The following PRTG variants were observed in gnomAD, a reference collection of about 807,000 sequenced individuals.
PRTG encodes immunoglobulin superfamily, DCC subclass, member 5.
In PRTG, 67 loss-of-function variants were observed where a neutral mutation model predicts 122.5. The ratio of observed to expected loss-of-function variants is 0.55; its 90% confidence interval spans 0.45 to 0.67. The LOEUF is 0.67. Ranked by LOEUF, PRTG falls within the 30% of genes least tolerant of loss-of-function variation. PRTG has a pLI of 0.00. For missense variants in PRTG, 1,435 were observed against 1,415.4 expected (o/e 1.01, Z -0.22); for synonymous variants, 554 against 501.1 (o/e 1.11, Z -1.41).
intron 2 of PRTG, among the ~76,000 whole-genome samples, chr15:55,691,936 C>T (rs2141829537): frequency 6.6e-6 from 1 of 152,036 alleles, no homozygotes; most frequent in East Asian, 1.9e-4. Flanking sequence ...ACTCAGGCAG[C>T]TGAGGTGGGA....
intron 2 of PRTG, among the ~76,000 whole-genome samples, chr15:55,725,511 C>T (rs1166202129): frequency 6.6e-6 from 1 of 151,806 alleles, no homozygotes. Context: ...GAGAGGATCA[C>T]CTGAGCCTGG....
intron 11 of PRTG, among the ~76,000 whole-genome samples, chr15:55,641,530 A>C (rs2059290283): frequency 2.0e-5 from 3 of 152,142 alleles, no homozygotes. Context: ...AAAAGCCTTC[A>C]GTTTGCTTGA....
At chr15:55,721,669 C>T (rs1487412314) in intron 2 of PRTG, among the ~76,000 whole-genome samples, 2 of 152,050 alleles carry the variant, frequency 1.3e-5, no homozygotes, top group Non-Finnish European at 2.9e-5. Context: ...AAGGACATAC[C>T]CAAGACTGGG....
chr15:55,639,236 A>G (rs1010679708), intron 13 of PRTG, among the ~76,000 whole-genome samples: 1 of 152,200 alleles, frequency 6.6e-6, no homozygotes, highest in African/African-American at 2.4e-5. Flanking sequence ...AGCCCCCCCA[A>G]AATCATTCTT....
intron 15 of PRTG, among the ~76,000 whole-genome samples, chr15:55,634,332 T>G (rs1595607309): frequency 2.0e-5 from 3 of 151,842 alleles, no homozygotes; most frequent in African/African-American, 7.3e-5. Context: ...GCCTCCAAAC[T>G]GCTGGGATTA....
chr15:55,709,842 C>T (rs2030309880), intron 2 of PRTG, among the ~76,000 whole-genome samples: 1 of 152,106 alleles, frequency 6.6e-6, no homozygotes, highest in African/African-American at 2.4e-5. Flanking sequence ...TCAGTGGTTG[C>T]CTGGCGATGG....
At chr15:55,673,710 A>G in intron 9 of PRTG, 34 bp from the exon 10 acceptor site, 1 of 1,564,992 alleles carries the variant, frequency 6.4e-7, no homozygotes, top group South Asian at 1.1e-5. Flanking sequence ...GTTTATAAAT[A>G]TTTAGAATCG....
chr15:55,723,125 GA>G (rs1486754593), intron 2 of PRTG, among the ~76,000 whole-genome samples: 1 of 152,098 alleles, frequency 6.6e-6, no homozygotes, highest in Non-Finnish European at 1.5e-5. Flanking sequence ...CATGACCAGG[GA>G]AACCTTGCGG....
chr15:55,694,153 T>G (rs1234284206), intron 2 of PRTG, among the ~76,000 whole-genome samples: 1 of 152,198 alleles, frequency 6.6e-6, no homozygotes, highest in Non-Finnish European at 1.5e-5. Flanking sequence ...TAAAAAGAGA[T>G]AGGTAACTAA....
rs199840624 is a variant in PRTG, at chr15:55,627,020, C to T, written c.2915G>A (p.Arg972Gln). Residue 972 changes from arginine (R) to glutamine (Q), a missense_variant, in exon 17 of 20, where the codon CGA becomes CAA. Arg to Gln is a conservative substitution (Grantham distance 43). Transcript: ENST00000389286. ...ILICVLILIY[R>Q]SKARKSSASK... ...AATGGAAACACACCTGGCTTTACTT[C>T]GGTATATCAAGATGAGAACACAGAT... 86 of 1,605,892 alleles carry T rather than the reference C, an allele frequency of 5.4e-5. No individual in the cohort carries two copies. The highest frequency in any genetic ancestry group is 6.5e-5 in the Non-Finnish European group (77 of 1,177,050).
chr15:55,693,636 T>G (rs1443172719), intron 2 of PRTG, among the ~76,000 whole-genome samples: 1 of 152,222 alleles, frequency 6.6e-6, no homozygotes, highest in East Asian at 1.9e-4. Context: ...GAATCAGTTT[T>G]GCATTAATGA....
chr15:55,671,898 CAA>C (rs953369460), intron 11 of PRTG, among the ~76,000 whole-genome samples: 21 of 152,262 alleles, frequency 1.4e-4, no homozygotes, highest in African/African-American at 4.8e-4. Flanking sequence ...GGGAATAAAA[CAA>C]TGTCTTTCAG....
At chr15:55,693,183 G>T (rs1190490628) in intron 2 of PRTG, among the ~76,000 whole-genome samples, 1 of 152,124 alleles carries the variant, frequency 6.6e-6, no homozygotes, top group Non-Finnish European at 1.5e-5. Flanking sequence ...GTGGCAGGGT[G>T]TGGTGGCTCA....
intron 1 of PRTG, among the ~76,000 whole-genome samples, chr15:55,741,093 G>T (rs1179831427): frequency 2.0e-5 from 3 of 152,174 alleles, no homozygotes; most frequent in Non-Finnish European, 4.4e-5. Context: ...CCAACTCTGT[G>T]AACAAGCAAG....
rs767738798 is a variant in PRTG at position 55,683,819 on chromosome 15, G to A, written c.510C>T (p.Phe170=). 2.7e-5 allele frequency: 43 copies of A among 1,613,680 alleles called. No homozygotes were observed. The Admixed American group carries it at 5.3e-4, about 20-fold the overall frequency. ...SHPPAVITWE[F]NRTTLPMTMD... ...TAGTCATAGGTAGAGTTGTCCGATT[G>A]AACTCCCATGTTATGACTGCAGGAG... is the stretch of plus-strand genomic sequence containing the variant. Residue 170 remains phenylalanine, a synonymous_variant, in exon 3 of 20, where the codon TTC becomes TTT. Transcript: ENST00000389286.
chr15:55,696,087 C>A (rs2059630594), intron 2 of PRTG, among the ~76,000 whole-genome samples: 1 of 151,908 alleles, frequency 6.6e-6, no homozygotes, highest in Non-Finnish European at 1.5e-5. Flanking sequence ...CTGGGGAACA[C>A]AGGGAGATCC....
intron 11 of PRTG, among the ~76,000 whole-genome samples, chr15:55,663,263 T>C (rs1431546256): frequency 6.6e-6 from 1 of 152,188 alleles, no homozygotes; most frequent in Non-Finnish European, 1.5e-5. Context: ...AATATCACAG[T>C]CTTAGCGGGC....
chr15:55,648,484 C>A (rs1316945381), intron 11 of PRTG, among the ~76,000 whole-genome samples: 1 of 152,150 alleles, frequency 6.6e-6, no homozygotes, highest in African/African-American at 2.4e-5. Flanking sequence ...AAACACCACA[C>A]AACAAAAAAC....
At chr15:55,730,508 T>C (rs2141882439) in intron 2 of PRTG, among the ~76,000 whole-genome samples, 1 of 152,214 alleles carries the variant, frequency 6.6e-6, no homozygotes, top group South Asian at 2.1e-4. Context: ...CACTGCGAAG[T>C]AGTGACTATA....
Sources: allele counts gnomAD v4.1 joint callset (sites outside exome capture counted in the v4.1 genomes callset), GRCh38; gene constraint gnomAD v4.1.1; transcripts MANE v1.5; gene names NCBI Gene and HGNC (gene_info 2026-07-23, HGNC 2026-07-21).